The following FUT9 variants were observed in gnomAD, a reference collection of about 807,000 sequenced individuals.
FUT9 encodes the protein fucosyltransferase 9, also known as 4-galactosyl-N-acetylglucosaminide 3-alpha-L-fucosyltransferase 9.
FUT9 carries 15 observed loss-of-function variants against 29.7 expected under a neutral mutation model. The ratio of observed to expected loss-of-function variants is 0.51; its 90% CI spans 0.34 to 0.78. The LOEUF (loss-of-function observed/expected upper bound fraction) is 0.78, where lower values mean the gene tolerates loss of function less well. FUT9 is among the 30% of genes least tolerant of loss of function. FUT9 has a pLI of 0.01. For missense variants in FUT9, 319 were observed against 425.4 expected (o/e 0.75, Z 2.20); for synonymous variants, 169 against 153.7 (o/e 1.10, Z -0.74).
chr6:96,033,400 G>A (rs1423381867), intron 1 of FUT9, among the ~76,000 whole-genome samples: 1 of 151,576 alleles, frequency 6.6e-6, no homozygotes, highest in African/African-American at 2.4e-5. Context: ...TTTCATGATT[G>A]ATGAGACAGA....
chr6:96,017,045 A>G (rs2127918746), intron 1 of FUT9, among the ~76,000 whole-genome samples: 1 of 152,316 alleles, frequency 6.6e-6, no homozygotes, highest in Admixed American at 6.5e-5. Flanking sequence ...AATTGGTCTT[A>G]CTTCCAGGTT....
rs34744508 is a variant in FUT9, at chr6:96,207,230, TAC to T, written c.*3014_*3015del. ...TTCAAGACACACATTCACACACACA[TAC>T]ACACACACACACACACACCCCACAG... On this transcript the variant is annotated 3_prime_UTR_variant, in exon 3 of 3. Coordinates refer to ENST00000302103, the MANE Select transcript of FUT9 (RefSeq NM_006581.4). 0.014 allele frequency: 2,147 copies of T among 155,694 alleles called. No homozygotes were observed. The highest frequency in any genetic ancestry group is 1.2e-3 in the Non-Finnish European group (77 of 66,568). 9.6% of individuals were successfully genotyped at this position (155,694 alleles called of 1,614,324 possible).
At chr6:96,095,629 T>A (rs373889429) in intron 1 of FUT9, among the ~76,000 whole-genome samples, 1 of 152,030 alleles carries the variant, frequency 6.6e-6, no homozygotes, top group Non-Finnish European at 1.5e-5. Flanking sequence ...TCACTGGCAA[T>A]TTTTTTTATG....
intron 2 of FUT9, among the ~76,000 whole-genome samples, chr6:96,197,098 C>T (rs967619708): frequency 7.9e-5 from 12 of 152,088 alleles, no homozygotes; most frequent in Non-Finnish European, 1.2e-4. Context: ...CTTCTGAGGC[C>T]TTTGCTAACT....
intron 2 of FUT9, among the ~76,000 whole-genome samples, chr6:96,170,573 C>CAA (rs1582282663): frequency 1.5e-5 from 2 of 135,174 alleles, no homozygotes; most frequent in African/African-American, 5.3e-5. Flanking sequence ...CACACACACA[C>CAA]AATTGAATAG....
intron 1 of FUT9, among the ~76,000 whole-genome samples, chr6:96,106,932 A>G (rs933838342): frequency 2.6e-5 from 4 of 152,258 alleles, no homozygotes; most frequent in African/African-American, 7.2e-5. Flanking sequence ...TTTAAACCAG[A>G]ATTTGGTAAA....
chr6:96,078,408 C>CTTTTTTTTTT (rs71012536), intron 1 of FUT9, among the ~76,000 whole-genome samples: 594 of 44,198 alleles, frequency 0.013, 203 homozygotes, highest in Non-Finnish European at 0.016. Flanking sequence ...TATTAGTCTT[C>CTTTTTTTTTT]TTTTTTTTTT....
At chr6:96,188,294 A>G (rs1280249037) in intron 2 of FUT9, among the ~76,000 whole-genome samples, 1 of 151,218 alleles carries the variant, frequency 6.6e-6, no homozygotes, top group Non-Finnish European at 1.5e-5. Flanking sequence ...TAGAGATGGG[A>G]CCTGACTTGT....
At chr6:96,020,097 C>T (rs1260056740) in intron 1 of FUT9, among the ~76,000 whole-genome samples, 1 of 152,060 alleles carries the variant, frequency 6.6e-6, no homozygotes, top group Non-Finnish European at 1.5e-5. Flanking sequence ...GTCAACCAGA[C>T]TTTTTCATTC....
At chr6:96,069,018 G>C (rs766445857) in intron 1 of FUT9, among the ~76,000 whole-genome samples, 10 of 152,116 alleles carry the variant, frequency 6.6e-5, no homozygotes, top group Non-Finnish European at 1.5e-4. Context: ...TGTAAAATAT[G>C]ATAGTTAAGA....
intron 2 of FUT9, among the ~76,000 whole-genome samples, chr6:96,128,812 T>C (rs1772179196): frequency 6.6e-6 from 1 of 151,962 alleles, no homozygotes; most frequent in African/African-American, 2.4e-5. Context: ...TTGGTGAATA[T>C]ATAAAGACAG....
chr6:96,124,739 A>T (rs1035246729), intron 2 of FUT9, among the ~76,000 whole-genome samples: 18 of 151,988 alleles, frequency 1.2e-4, no homozygotes, highest in African/African-American at 4.4e-4. Context: ...TTTCTGAAAT[A>T]TTGGCTTCTC....
At chr6:96,037,734 G>T (rs905204888) in intron 1 of FUT9, among the ~76,000 whole-genome samples, 4 of 151,972 alleles carry the variant, frequency 2.6e-5, no homozygotes, top group Non-Finnish European at 4.4e-5. Flanking sequence ...TATCTTCTCT[G>T]CAGAGAAATG....
intron 1 of FUT9, among the ~76,000 whole-genome samples, chr6:96,057,932 G>A (rs1042363726): frequency 6.6e-6 from 1 of 152,110 alleles, no homozygotes; most frequent in African/African-American, 2.4e-5. Flanking sequence ...TCATCAAGTT[G>A]TAATTCACAC....
intron 2 of FUT9, among the ~76,000 whole-genome samples, chr6:96,171,321 G>T (rs541245722): frequency 6.6e-5 from 10 of 152,170 alleles, no homozygotes; most frequent in African/African-American, 2.2e-4. Context: ...GCATGAGTAC[G>T]TTGCAGGAGC....
chr6:96,198,123 T>TA (rs1562161696), intron 2 of FUT9, among the ~76,000 whole-genome samples: 9 of 151,106 alleles, frequency 6.0e-5, no homozygotes, highest in South Asian at 4.2e-4. Flanking sequence ...CCTTTTTTTT[T>TA]ATTATTATTG....
At chr6:96,148,931 G>A (rs1772625109) in intron 2 of FUT9, among the ~76,000 whole-genome samples, 1 of 152,116 alleles carries the variant, frequency 6.6e-6, no homozygotes, top group African/African-American at 2.4e-5. Context: ...GAGGTGGGCA[G>A]ATCACCTGAG....
chr6:96,098,059 C>T (rs1170691444), intron 1 of FUT9, among the ~76,000 whole-genome samples: 2 of 151,726 alleles, frequency 1.3e-5, no homozygotes, highest in Non-Finnish European at 2.9e-5. Flanking sequence ...TAAGTTATTG[C>T]CTATTCCCAG....
chr6:96,194,703 ATTT>A (rs68110155), intron 2 of FUT9, among the ~76,000 whole-genome samples: 136,914 of 150,598 alleles, frequency 0.91, 63,460 homozygotes, highest in Non-Finnish European at 0.99. Flanking sequence ...AGAGTTTTGG[ATTT>A]TTTTTTTTTT....
Sources: gnomAD v4.1 joint callset for allele counts (sites outside exome capture counted in the v4.1 genomes callset) on GRCh38, gnomAD v4.1.1 for gene constraint, MANE v1.5 for transcripts, NCBI Gene and HGNC (gene_info 2026-07-23, HGNC 2026-07-21) for gene names.